PHLDB2: variants seen among roughly 807,000 people sequenced by gnomAD.
PHLDB2 encodes the protein pleckstrin homology-like domain family B member 2.
In PHLDB2, 71 loss-of-function variants were observed where a neutral mutation model predicts 123.6. That is an observed-to-expected ratio of 0.57 (90% CI 0.47 to 0.70). The LOEUF is 0.70. Among genes scored for constraint, PHLDB2 ranks in the 30% least tolerant of loss-of-function variants. The pLI, the probability that PHLDB2 is intolerant of heterozygous loss-of-function variation, is 0.00. For synonymous variants in PHLDB2, 547 were observed against 541.6 expected, an observed-to-expected ratio of 1.01 and a Z score of -0.14; for missense variants, 1,446 against 1,519.5, an observed-to-expected ratio of 0.95 and a Z score of 0.80.
intron 1 of PHLDB2, among the ~76,000 whole-genome samples, chr3:111,808,540 AG>A (rs1421032117): frequency 6.6e-6 from 1 of 150,608 alleles, no homozygotes; most frequent in African/African-American, 2.4e-5. Flanking sequence ...GTACACATGC[AG>A]GTTTGTTACA....
intron 1 of PHLDB2, among the ~76,000 whole-genome samples, chr3:111,783,959 G>T (rs879543988): frequency 1.3e-5 from 2 of 152,132 alleles, no homozygotes; most frequent in Non-Finnish European, 2.9e-5. Context: ...AGAGTCAATT[G>T]AATAAGTATA....
At chr3:111,743,889 CA>C (rs1304321231) in intron 1 of PHLDB2, among the ~76,000 whole-genome samples, 6 of 152,126 alleles carry the variant, frequency 3.9e-5, no homozygotes, top group Non-Finnish European at 7.4e-5. Flanking sequence ...TCTTAATGAA[CA>C]ATTTTCATAT....
chr3:111,906,273 T>C (rs2067527130), intron 2 of PHLDB2, among the ~76,000 whole-genome samples: 1 of 152,238 alleles, frequency 6.6e-6, no homozygotes, highest in South Asian at 2.1e-4. Flanking sequence ...ATCCCCATTG[T>C]TAAGCAACAC....
Position 111,884,478 on chromosome 3 carries a change from G to A in PHLDB2, c.401G>A (p.Arg134Gln), listed in dbSNP as rs746815740. The A allele has an allele frequency of 1.3e-5, 21 of 1,613,954 alleles. No individual in the cohort carries two copies. In the African/African-American group the frequency reaches 1.7e-4, roughly 13 times the overall value. The change falls in exon 2 of 18, where the codon CGG (arginine) becomes CAG (glutamine). Residue 134 changes from arginine to glutamine, a missense_variant. Coordinates refer to ENST00000431670, the MANE Select transcript of PHLDB2 (RefSeq NM_001134438.2). ...GRADFDHYTG[R>Q]DSERALRLSE... ...GCAGACTTTGATCATTATACTGGCC[G>A]GGACAGTGAAAGGGCCTTGAGGCTC...
intron 1 of PHLDB2, among the ~76,000 whole-genome samples, chr3:111,758,824 A>G (rs915208536): frequency 6.6e-6 from 1 of 152,212 alleles, no homozygotes; most frequent in African/African-American, 2.4e-5. Flanking sequence ...GACATGTTTC[A>G]TAGGATTGCA....
At chr3:111,893,512 C>T (rs1331435396) in intron 2 of PHLDB2, among the ~76,000 whole-genome samples, 3 of 152,142 alleles carry the variant, frequency 2.0e-5, no homozygotes, top group Admixed American at 1.3e-4. Flanking sequence ...TCTTCCTATA[C>T]TCTGAGCTAG....
chr3:111,785,243 C>A (rs1056327466), intron 1 of PHLDB2, among the ~76,000 whole-genome samples: 15 of 152,098 alleles, frequency 9.9e-5, no homozygotes, highest in African/African-American at 3.6e-4. Flanking sequence ...CTTATTCATG[C>A]TCTTTATTCA....
intron 6 of PHLDB2, among the ~76,000 whole-genome samples, chr3:111,932,754 C>T (rs1055882740): frequency 6.6e-6 from 1 of 152,048 alleles, no homozygotes. Flanking sequence ...ATCCTATTTA[C>T]CCTTGAATGT....
chr3:111,839,840 G>A (rs964722330), intron 1 of PHLDB2, among the ~76,000 whole-genome samples: 3 of 151,442 alleles, frequency 2.0e-5, no homozygotes, highest in Admixed American at 6.6e-5. Context: ...TCAGCCTTAT[G>A]GCTAAGATCA....
chr3:111,885,267 G>A lies in PHLDB2; in HGVS notation c.1190G>A (p.Ser397Asn), dbSNP rs1330259931. Residue 397 changes from serine to asparagine, a missense_variant, in exon 2 of 18, where the codon AGC (serine) becomes AAC (asparagine). By Grantham distance (46) the Ser-to-Asn change is conservative (BLOSUM62 1). Transcript: ENST00000431670. ...GAATTTGATGAGGCAGATTTGGAAA[G>A]CCTCAGACAGGCCTCAGGAACCCCC... Reference protein sequence around the residue: ...SVEFDEADLESLRQASGTPQP... With the variant: ...SVEFDEADLENLRQASGTPQP... The A allele has an allele frequency of 6.2e-7, 1 of 1,614,076 alleles. No individual in the cohort carries two copies. The highest frequency in any genetic ancestry group is 2.2e-5 in the East Asian group (1 of 44,894).
chr3:111,737,270 G>A (rs62275531), intron 1 of PHLDB2, among the ~76,000 whole-genome samples: 11 of 152,186 alleles, frequency 7.2e-5, no homozygotes, highest in Non-Finnish European at 1.5e-4. Context: ...CTGGCTGGCT[G>A]CCTGAGTCTC....
At chr3:111,763,882 A>G (rs1254389330) in intron 1 of PHLDB2, among the ~76,000 whole-genome samples, 1 of 152,126 alleles carries the variant, frequency 6.6e-6, no homozygotes, top group Non-Finnish European at 1.5e-5. Flanking sequence ...AGTTCCTAGA[A>G]CTGTGAGGAA....
chr3:111,948,602 T>G (rs1339146958), intron 9 of PHLDB2, among the ~76,000 whole-genome samples: 1 of 152,218 alleles, frequency 6.6e-6, no homozygotes, highest in Non-Finnish European at 1.5e-5. Flanking sequence ...TTACTTTAAA[T>G]GTATATGTTG....
chr3:111,935,029 C>G (rs2069384924), intron 6 of PHLDB2, among the ~76,000 whole-genome samples: 1 of 151,416 alleles, frequency 6.6e-6, no homozygotes, highest in Admixed American at 6.6e-5. Flanking sequence ...ACTGTCCCAG[C>G]CAGGTAACTG....
intron 2 of PHLDB2, among the ~76,000 whole-genome samples, chr3:111,887,011 T>C (rs1434274348): frequency 6.6e-6 from 1 of 152,244 alleles, no homozygotes; most frequent in Non-Finnish European, 1.5e-5. Flanking sequence ...GAGAGCATTT[T>C]TAATGGCTTC....
Position 111,932,309 on chromosome 3 carries a change from G to T in PHLDB2, c.2042G>T (p.Arg681Met). Residue 681 changes from arginine to methionine, a missense_variant, in exon 6 of 18, where the codon AGG becomes ATG. By Grantham distance (91) the Arg-to-Met change is moderately conservative. Transcript: ENST00000431670. Reference protein sequence around the residue: ...KLDAEREKLERLQELYSEQKT... With the variant: ...KLDAEREKLEMLQELYSEQKT... ...GATGCTGAAAGGGAAAAACTAGAGA[G>T]GCTTCAGGAGCTTTACTCCGAGCAG... 6.4e-7 allele frequency: 1 copy of T among 1,551,536 alleles called. No individual in the cohort carries two copies. Among genetic ancestry groups the T allele is most frequent in the Non-Finnish European group, 8.7e-7 (1 of 1,146,792 alleles).
chr3:111,804,631 C>G (rs1463326599), intron 1 of PHLDB2, among the ~76,000 whole-genome samples: 1 of 152,218 alleles, frequency 6.6e-6, no homozygotes, highest in Non-Finnish European at 1.5e-5. Context: ...TAGGTTTCTA[C>G]TTTACTCCAT....
chr3:111,880,364 G>A (rs1331685376), intron 1 of PHLDB2, among the ~76,000 whole-genome samples: 1 of 152,120 alleles, frequency 6.6e-6, no homozygotes, highest in Admixed American at 6.6e-5. Context: ...ATGGAGTTCT[G>A]AGTGGCCAGA....
chr3:111,899,881 C>T (rs2067090184), intron 2 of PHLDB2, among the ~76,000 whole-genome samples: 1 of 152,232 alleles, frequency 6.6e-6, no homozygotes, highest in Admixed American at 6.5e-5. Flanking sequence ...GCTGGGATTA[C>T]AGGAGTGAGC....
Sources: allele counts gnomAD v4.1 joint callset (sites outside exome capture counted in the v4.1 genomes callset), GRCh38; gene constraint gnomAD v4.1.1; transcripts MANE v1.5; gene names NCBI Gene and HGNC (gene_info 2026-07-23, HGNC 2026-07-21).